The following ZFAND3 variants were observed in gnomAD, a reference collection of about 807,000 sequenced individuals.
ZFAND3 encodes zinc finger AN1-type containing 3.
A neutral mutation model predicts 29.6 loss-of-function variants in ZFAND3; 10 were observed. That is an observed-to-expected ratio of 0.34 (90% CI 0.21 to 0.57). The LOEUF is 0.57. Among genes scored for constraint, ZFAND3 ranks in the 20% least tolerant of loss-of-function variants. The probability of loss-of-function intolerance (pLI) is 0.86; values close to 1 mark genes in which losing one functional copy is unlikely to be tolerated. For synonymous variants in ZFAND3, 128 were observed against 112.6 expected (o/e 1.14, Z -0.87); for missense variants, 230 against 304.5 (o/e 0.76, Z 1.82).
chr6:37,861,991 C>G (rs1348152006), intron 1 of ZFAND3, among the ~76,000 whole-genome samples: 4 of 152,116 alleles, frequency 2.6e-5, no homozygotes, highest in Non-Finnish European at 4.4e-5. Context: ...ATAATTGATT[C>G]ATAACATTCT....
intron 5 of ZFAND3, among the ~76,000 whole-genome samples, chr6:38,119,762 G>A (rs1012038146): frequency 2.0e-5 from 3 of 152,190 alleles, no homozygotes; most frequent in Non-Finnish European, 2.9e-5. Flanking sequence ...TTAAATTACA[G>A]TCTCATCGAG....
At chr6:37,870,440 A>G (rs1218324901) in intron 1 of ZFAND3, among the ~76,000 whole-genome samples, 2 of 151,806 alleles carry the variant, frequency 1.3e-5, no homozygotes, top group Non-Finnish European at 2.9e-5. Flanking sequence ...CGCCTCTACT[A>G]AAAATACAAA....
At chr6:38,094,731 T>C (rs1472290031) in intron 4 of ZFAND3, among the ~76,000 whole-genome samples, 1 of 152,216 alleles carries the variant, frequency 6.6e-6, no homozygotes, top group Non-Finnish European at 1.5e-5. Flanking sequence ...GAAATACTTA[T>C]TCATCATATC....
At chr6:37,859,010 C>T (rs1357124159) in intron 1 of ZFAND3, among the ~76,000 whole-genome samples, 2 of 152,202 alleles carry the variant, frequency 1.3e-5, no homozygotes, top group Non-Finnish European at 2.9e-5. Context: ...TCTGTGGGAG[C>T]AGGTCAGCTA....
At chr6:37,881,659 A>G (rs551377036) in intron 1 of ZFAND3, among the ~76,000 whole-genome samples, 115 of 152,264 alleles carry the variant, frequency 7.6e-4, no homozygotes, top group African/African-American at 2.6e-3. Context: ...TACGAGCTAT[A>G]TAGGGTTTTG....
intron 5 of ZFAND3, among the ~76,000 whole-genome samples, 187 bp downstream of exon 5, chr6:38,116,926 T>C (rs1365460585): frequency 1.3e-5 from 2 of 152,182 alleles, no homozygotes; most frequent in African/African-American, 4.8e-5. Context: ...CTAAACACCC[T>C]TTATTCTCAC....
intron 2 of ZFAND3, among the ~76,000 whole-genome samples, chr6:38,041,624 TCTA>T (rs780424575): frequency 0.025 from 2,398 of 95,784 alleles, 268 homozygotes; most frequent in Non-Finnish European, 0.03. Flanking sequence ...TGTTTTTTTA[TCTA>T]CTTTTTCTTC....
intron 1 of ZFAND3, among the ~76,000 whole-genome samples, chr6:37,823,117 CT>C (rs1763696786): frequency 6.6e-6 from 1 of 152,096 alleles, no homozygotes; most frequent in African/African-American, 2.4e-5. Context: ...GTGGGTATGA[CT>C]CTGTGTGTCT....
At chr6:38,133,817 T>G (rs1201244606) in intron 5 of ZFAND3, among the ~76,000 whole-genome samples, 1 of 151,984 alleles carries the variant, frequency 6.6e-6, no homozygotes, top group Non-Finnish European at 1.5e-5. Flanking sequence ...ACTGAAACTT[T>G]GAAGCTTAGA....
At chr6:37,999,986 C>A (rs961236531) in intron 2 of ZFAND3, among the ~76,000 whole-genome samples, 5 of 151,830 alleles carry the variant, frequency 3.3e-5, no homozygotes, top group Admixed American at 1.3e-4. Context: ...AAAACTATTA[C>A]TAAAAAATAA....
chr6:37,977,777 G>GTT (rs750389527), intron 2 of ZFAND3, among the ~76,000 whole-genome samples: 2,521 of 115,738 alleles, frequency 0.022, 118 homozygotes, highest in African/African-American at 0.066. Context: ...TGAGTTTTTT[G>GTT]TTTTTTTTTT....
intron 2 of ZFAND3, among the ~76,000 whole-genome samples, chr6:37,992,390 T>G (rs1762774150): frequency 6.6e-6 from 1 of 152,170 alleles, no homozygotes; most frequent in Non-Finnish European, 1.5e-5. Flanking sequence ...CTCTATCAAC[T>G]TTATTGTTTA....
At chr6:38,125,804 G>A (rs1223502024) in intron 5 of ZFAND3, among the ~76,000 whole-genome samples, 1 of 152,004 alleles carries the variant, frequency 6.6e-6, no homozygotes, top group Admixed American at 6.6e-5. Context: ...TTAATTCTTT[G>A]TTTAATAAAG....
intron 1 of ZFAND3, among the ~76,000 whole-genome samples, chr6:37,881,466 G>C (rs1301038177): frequency 1.3e-5 from 2 of 152,168 alleles, no homozygotes; most frequent in African/African-American, 4.8e-5. Flanking sequence ...ATCTGGATTT[G>C]ATGGTCTGTT....
chr6:38,117,778 T>C (rs1040877579), intron 5 of ZFAND3, among the ~76,000 whole-genome samples: 2 of 152,234 alleles, frequency 1.3e-5, no homozygotes, highest in Admixed American at 1.3e-4. Flanking sequence ...TCAGCAGTTA[T>C]AAAGTAATGG....
intron 2 of ZFAND3, among the ~76,000 whole-genome samples, chr6:37,937,806 T>G (rs951815341): frequency 4.6e-5 from 7 of 152,208 alleles, no homozygotes; most frequent in Non-Finnish European, 1.0e-4. Flanking sequence ...GAGGGATTTC[T>G]CGTGTAACAC....
intron 2 of ZFAND3, among the ~76,000 whole-genome samples, chr6:37,930,386 G>A (rs1761572286): frequency 1.3e-5 from 2 of 152,154 alleles, no homozygotes; most frequent in Admixed American, 1.3e-4. Context: ...ATCAAGCTGA[G>A]TTAGCCCATC....
At chr6:37,892,852 A>C (rs542041037) in intron 1 of ZFAND3, among the ~76,000 whole-genome samples, 74 of 152,330 alleles carry the variant, frequency 4.9e-4, no homozygotes, top group African/African-American at 1.7e-3. Context: ...TATATAACTT[A>C]GAGGAAATGC....
intron 2 of ZFAND3, among the ~76,000 whole-genome samples, chr6:37,952,511 T>C (rs1762015835): frequency 6.6e-6 from 1 of 152,156 alleles, no homozygotes; most frequent in Non-Finnish European, 1.5e-5. Context: ...CATAATAGTC[T>C]CTGATAATTT....
Sources: allele counts gnomAD v4.1 joint callset (sites outside exome capture counted in the v4.1 genomes callset), GRCh38; gene constraint gnomAD v4.1.1; transcripts MANE v1.5; gene names NCBI Gene and HGNC (gene_info 2026-07-23, HGNC 2026-07-21).